The following DCC variants were observed in gnomAD, a reference collection of about 807,000 sequenced individuals.
The protein encoded by DCC is netrin receptor DCC.
In DCC, 58 loss-of-function variants were observed where a neutral mutation model predicts 172.5. The observed-to-expected ratio is 0.34, with a 90% confidence interval of 0.27 to 0.42. The LOEUF is 0.42. DCC is among the 10% of genes least tolerant of loss of function. The pLI, the probability that DCC is intolerant of heterozygous loss-of-function variation, is 1.00. For synonymous variants in DCC, 709 were observed against 644.5 expected, an observed-to-expected ratio of 1.10 and a Z score of -1.52; for missense variants, 1,740 against 1,791.0, an observed-to-expected ratio of 0.97 and a Z score of 0.51.
chr18:52,415,954 A>G (rs560994752), intron 1 of DCC, among the ~76,000 whole-genome samples: 76 of 151,700 alleles, frequency 5.0e-4, no homozygotes, highest in Non-Finnish European at 8.2e-4. Flanking sequence ...AGTTCTTTTA[A>G]TTGTGATGTT....
intron 1 of DCC, among the ~76,000 whole-genome samples, chr18:52,422,006 T>G (rs1489979772): frequency 6.6e-6 from 1 of 152,170 alleles, no homozygotes; most frequent in Non-Finnish European, 1.5e-5. Flanking sequence ...CATCATGTTT[T>G]AATAATGTTT....
At chr18:52,491,444 A>G (rs1235337010) in intron 1 of DCC, among the ~76,000 whole-genome samples, 4 of 152,092 alleles carry the variant, frequency 2.6e-5, no homozygotes, top group Admixed American at 2.6e-4. Context: ...TTATCTTAGG[A>G]GATAGGGAGA....
At chr18:52,483,931 C>A (rs907298713) in intron 1 of DCC, among the ~76,000 whole-genome samples, 1 of 152,154 alleles carries the variant, frequency 6.6e-6, no homozygotes, top group Middle Eastern at 3.4e-3. Flanking sequence ...TCTGAGAGAT[C>A]TCTTAAGTTC....
intron 1 of DCC, among the ~76,000 whole-genome samples, chr18:52,572,352 C>T (rs2144760846): frequency 6.6e-6 from 1 of 152,222 alleles, no homozygotes; most frequent in African/African-American, 2.4e-5. Flanking sequence ...TGCCCTGTCC[C>T]ATTTTTTTTT....
At chr18:52,825,913 A>G (rs2038500732) in intron 2 of DCC, among the ~76,000 whole-genome samples, 1 of 152,244 alleles carries the variant, frequency 6.6e-6, no homozygotes, top group African/African-American at 2.4e-5. Flanking sequence ...CTTATAGTTT[A>G]GAAGGTTTTC....
chr18:52,730,496 CA>C (rs1212793769), intron 1 of DCC, among the ~76,000 whole-genome samples: 1 of 152,072 alleles, frequency 6.6e-6, no homozygotes, highest in Non-Finnish European at 1.5e-5. Context: ...TTGATATTTG[CA>C]AAAAACTCTT....
At chr18:52,422,548 A>C (rs1349285149) in intron 1 of DCC, among the ~76,000 whole-genome samples, 1 of 152,216 alleles carries the variant, frequency 6.6e-6, no homozygotes, top group African/African-American at 2.4e-5. Flanking sequence ...TATACAAACT[A>C]CAATGAATGT....
chr18:52,694,580 T>C (rs2035981859), intron 1 of DCC, among the ~76,000 whole-genome samples: 2 of 151,296 alleles, frequency 1.3e-5, no homozygotes, highest in African/African-American at 4.9e-5. Flanking sequence ...AAAATGCTTC[T>C]TTTTACATAT....
intron 5 of DCC, among the ~76,000 whole-genome samples, chr18:53,020,399 A>T (rs555269617): frequency 3.7e-4 from 56 of 152,200 alleles, no homozygotes; most frequent in Non-Finnish European, 6.3e-4. Context: ...AAATATTTAT[A>T]ATAGAATTCC....
chr18:52,954,502 A>G (rs955064020), intron 5 of DCC, among the ~76,000 whole-genome samples: 1 of 152,154 alleles, frequency 6.6e-6, no homozygotes, highest in Non-Finnish European at 1.5e-5. Context: ...TTAAGATCAC[A>G]TTCAAGCAAG....
At chr18:53,148,865 C>CTTTTT (rs5824990) in intron 7 of DCC, among the ~76,000 whole-genome samples, 1,334 of 109,728 alleles carry the variant, frequency 0.012, 87 homozygotes, top group East Asian at 0.018. Context: ...TTCCCAATGC[C>CTTTTT]TTTTTTTTTT....
intron 7 of DCC, among the ~76,000 whole-genome samples, chr18:53,082,174 T>C (rs1223304466): frequency 6.6e-6 from 1 of 152,146 alleles, no homozygotes; most frequent in Non-Finnish European, 1.5e-5. Context: ...TTATGCCATG[T>C]ACAGGTTTTG....
intron 1 of DCC, among the ~76,000 whole-genome samples, chr18:52,733,536 C>T (rs1265757874): frequency 6.6e-6 from 1 of 151,990 alleles, no homozygotes; most frequent in African/African-American, 2.4e-5. Flanking sequence ...ACTCTGTTGC[C>T]CGAGCTGGAG....
chr18:52,485,289 G>A (rs1010529971), intron 1 of DCC, among the ~76,000 whole-genome samples: 1 of 152,044 alleles, frequency 6.6e-6, no homozygotes, highest in Non-Finnish European at 1.5e-5. Context: ...CATAGAAATT[G>A]TTCTTAACTT....
chr18:53,402,111 TAAGG>T (rs2145035402), intron 18 of DCC, among the ~76,000 whole-genome samples: 1 of 152,314 alleles, frequency 6.6e-6, no homozygotes, highest in African/African-American at 2.4e-5. Flanking sequence ...TTTTGGCTTT[TAAGG>T]AAGTATAGAC....
intron 2 of DCC, among the ~76,000 whole-genome samples, chr18:52,811,862 A>T (rs2038207134): frequency 6.6e-6 from 1 of 152,190 alleles, no homozygotes; most frequent in African/African-American, 2.4e-5. Flanking sequence ...CATTTGGTAA[A>T]TCTGAGGAAA....
intron 10 of DCC, among the ~76,000 whole-genome samples, chr18:53,206,389 GTATATATA>G (rs2055639883): frequency 4.4e-5 from 2 of 45,830 alleles, no homozygotes; most frequent in African/African-American, 7.4e-5. Context: ...ATGTATATAT[GTATATATA>G]CATATATGTA....
In DCC at chr18:52,659,966, T is replaced by G. The variant is rs143562400; in HGVS notation, c.92-92088T>G. ...GATTAGACCACTGAAACCCAATGATTAAGTGATTTACCTGAATCTAACCAT... is the reference window on the plus strand; with the variant it reads ...GATTAGACCACTGAAACCCAATGATGAAGTGATTTACCTGAATCTAACCAT... On this transcript the variant is annotated intron_variant, in intron 1 of 28. Transcript: ENST00000442544. Among the ~76,000 whole-genome samples the G allele has an allele frequency of 4.8e-4, 73 of 152,278 alleles. No homozygotes were observed. In the East Asian group the frequency reaches 0.013, roughly 27 times the overall value.
At chr18:52,863,822 G>C (rs2039180495) in intron 2 of DCC, among the ~76,000 whole-genome samples, 1 of 151,774 alleles carries the variant, frequency 6.6e-6, no homozygotes, top group Non-Finnish European at 1.5e-5. Flanking sequence ...TTGTATTACT[G>C]TCTGTTAGGC....
Sources: allele counts gnomAD v4.1 joint callset (sites outside exome capture counted in the v4.1 genomes callset), GRCh38; gene constraint gnomAD v4.1.1; transcripts MANE v1.5; gene names NCBI Gene and HGNC (gene_info 2026-07-23, HGNC 2026-07-21).